EML6: variants seen among roughly 807,000 people sequenced by gnomAD.
The protein encoded by EML6 is echinoderm microtubule-associated protein-like 6.
EML6 carries 154 observed loss-of-function variants against 240.1 expected under a neutral mutation model. The observed-to-expected ratio is 0.64, with a 90% CI of 0.56 to 0.73. The LOEUF (loss-of-function observed/expected upper bound fraction) is 0.73, where lower values mean the gene tolerates loss of function less well. Among genes scored for constraint, EML6 ranks in the 30% least tolerant of loss-of-function variants. The probability of loss-of-function intolerance (pLI) is 0.00; values close to 1 mark genes in which losing one functional copy is unlikely to be tolerated. For missense variants in EML6, 2,964 were observed against 2,474.6 expected, an observed-to-expected ratio of 1.20 and a Z score of -4.20; for synonymous variants, 1,148 against 899.0, an observed-to-expected ratio of 1.28 and a Z score of -4.95.
In EML6 at chr2:54,787,447, C is replaced by T. The variant is rs76859247; in HGVS notation, c.198-25785C>T. 3.8e-4 allele frequency among the ~76,000 whole-genome samples: 58 copies of T among 152,294 alleles called. No individual in the cohort carries two copies. In the East Asian group the frequency reaches 8.9e-3, roughly 23 times the overall value. On this transcript the variant is annotated intron_variant, in intron 2 of 41. Coordinates refer to ENST00000356458, the MANE Select transcript of EML6 (RefSeq NM_001039753.4). ...GTCTGAATCTTGGCTCTGCCACTTA[C>T]CAGCTGTGTGGCCTGGGCAAGTTCC...
In EML6 at chr2:54,950,706, G is replaced by A. The variant is rs1218271843; in HGVS notation, c.4140G>A (p.Leu1380=). 59 of 1,551,646 alleles carry A rather than the reference G, an allele frequency of 3.8e-5. No homozygotes were observed. The East Asian group carries it at 1.4e-3, about 38-fold the overall frequency. ...GYRGFDCRNN[L]HYLNDGADII... is the part of the protein sequence containing the mutation. Reference sequence around the variant, plus strand: ...GAGGTTTCGACTGTCGAAATAACCTGCATTACCTTAATGATGGCGCTGACA... The same window carrying A: ...GAGGTTTCGACTGTCGAAATAACCTACATTACCTTAATGATGGCGCTGACA... Residue 1380 remains leucine, a synonymous_variant, in exon 30 of 42, where the codon CTG becomes CTA. Transcript: ENST00000356458.
chr2:54,725,433 G>T lies in EML6; in HGVS notation c.197+175G>T, dbSNP rs1023465854. Among the ~76,000 whole-genome samples, 11 of 152,196 alleles carry T rather than the reference G, an allele frequency of 7.2e-5. No individual in the cohort carries two copies. Among genetic ancestry groups the T allele is most frequent in the African/African-American group, 2.2e-4 (9 of 41,442 alleles). On this transcript the variant is annotated intron_variant, in intron 2 of 41. Transcript: ENST00000356458. The surrounding 1 kb of genome is among the most constrained non-coding windows in gnomAD (Gnocchi z 4.3). ...AGGGCCAGGGCAGAAACAGTGTGGG[G>T]AGTGTAGGTGAGGAGGGAGAGATGT...
Position 54,866,892 on chromosome 2 carries a change from G to T in EML6, c.2051+8G>T, listed in dbSNP as rs1460546079. 1 of 1,510,518 alleles carries T rather than the reference G, an allele frequency of 6.6e-7. No individual in the cohort carries two copies. The highest frequency in any genetic ancestry group is 9.0e-7 in the Non-Finnish European group (1 of 1,110,072). The allele number at this position is 1,510,518 out of a possible 1,614,324, so 93.6% of individuals were successfully genotyped here. A position where few individuals can be genotyped will look rare whatever the true frequency, so the allele number is the denominator to read the frequency against. ...ACTCCAGTTCATACACGGGTGGGTG[G>T]CCTGTCATGGGCGCCCGTATGTGTT... On this transcript the variant is annotated splice_region_variant and intron_variant, in intron 14 of 41. Transcript: ENST00000356458.
intron 26 of EML6, among the ~76,000 whole-genome samples, chr2:54,919,082 G>C (rs1674081739): frequency 6.6e-6 from 1 of 152,082 alleles, no homozygotes; most frequent in Non-Finnish European, 1.5e-5. Context: ...TATTATTTCT[G>C]TGGTCACGTT....
chr2:54,894,992 C>T lies in EML6; in HGVS notation c.2820C>T (p.Ala940=). 2.6e-6 allele frequency: 4 copies of T among 1,551,386 alleles called. No individual in the cohort carries two copies. The South Asian group carries it at 3.6e-5, about 14-fold the overall frequency. ...DMFERCLKTY[A]IKRSALSTSS... ...TTGAAAGATGTTTGAAGACTTATGC[C>T]ATTAAAAGATCAGCATTGTCGACTA... The change falls in exon 20 of 42, where the codon GCC becomes GCT. Residue 940 remains alanine (A), a synonymous_variant. Coordinates refer to ENST00000356458, the MANE Select transcript of EML6 (RefSeq NM_001039753.4).
chr2:54,843,964 T>TGGTGTGTGTGTG (rs1553394554), intron 7 of EML6, 83 bp from the exon 8 acceptor site: 1 of 599,728 alleles, frequency 1.7e-6, no homozygotes, highest in Admixed American at 2.4e-5. Context: ...CTTTAGGGTT[T>TGGTGTGTGTGTG]TGTGTGTGTG....
chr2:54,740,087 A>G (rs1683564289), intron 2 of EML6, among the ~76,000 whole-genome samples: 1 of 152,120 alleles, frequency 6.6e-6, no homozygotes, highest in African/African-American at 2.4e-5. Flanking sequence ...AGATGAGTTC[A>G]GCTTTGAACA....
chr2:54,738,653 A>G (rs954191753), intron 2 of EML6, among the ~76,000 whole-genome samples: 1 of 152,212 alleles, frequency 6.6e-6, no homozygotes, highest in Non-Finnish European at 1.5e-5. Context: ...TTTAAAAGGA[A>G]TGGTACAGTT....
At chr2:54,758,967 C>T (rs946705201) in intron 2 of EML6, among the ~76,000 whole-genome samples, 3 of 151,650 alleles carry the variant, frequency 2.0e-5, no homozygotes, top group Non-Finnish European at 2.9e-5. Flanking sequence ...GTTTTCATCA[C>T]TTCCACATAT....
intron 2 of EML6, among the ~76,000 whole-genome samples, chr2:54,805,667 A>C (rs1260403724): frequency 6.6e-6 from 1 of 152,134 alleles, no homozygotes; most frequent in East Asian, 1.9e-4. Flanking sequence ...ATCAAAGACC[A>C]GAAGTTTTTA....
At chr2:54,788,287 C>T (rs1313430486) in intron 2 of EML6, among the ~76,000 whole-genome samples, 2 of 152,326 alleles carry the variant, frequency 1.3e-5, no homozygotes, top group African/African-American at 2.4e-5. Flanking sequence ...CTGTAAGTAA[C>T]ACCGGCTTCT....
At position 54,774,946 on chromosome 2, in the gene EML6, T is replaced by C. The variant is rs1288074271; in HGVS notation, c.198-38286T>C. 6.6e-6 allele frequency among the ~76,000 whole-genome samples: 1 copy of C among 152,212 alleles called. No individual in the cohort carries two copies. Among genetic ancestry groups the C allele is most frequent in the African/African-American group, 2.4e-5 (1 of 41,440 alleles). On this transcript the variant is annotated intron_variant, in intron 2 of 41. Transcript: ENST00000356458. This position sits in a 1 kb window ranked among gnomAD's most constrained non-coding sequence, Gnocchi z 4.1. ...TAAAATTCTGTATTGTTGACATTCA[T>C]TACTTTTGTTAACAAATGTGTCACA...
chr2:54,824,574 C>G (rs2104139276), intron 5 of EML6, among the ~76,000 whole-genome samples: 1 of 152,238 alleles, frequency 6.6e-6, no homozygotes, highest in Non-Finnish European at 1.5e-5. Flanking sequence ...ATTTGTATAG[C>G]TAGGGTGAAA....
rs575621987 is a variant in EML6, at chr2:54,961,184, G to GTTTTTTT, written c.4968+863_4968+869dup. On this transcript the variant is annotated intron_variant, in intron 35 of 41. Coordinates refer to ENST00000356458, the MANE Select transcript of EML6 (RefSeq NM_001039753.4). ...GGAGCCTGGAAGTTATCAGGAAGTA[G>GTTTTTTT]TTTTTTTTTTTTTTTTTTTGAGACG... Among the ~76,000 whole-genome samples the GTTTTTTT allele has an allele frequency of 3.5e-3, 195 of 55,316 alleles. 22 individuals are homozygous for GTTTTTTT. Among genetic ancestry groups the GTTTTTTT allele is most frequent in the African/African-American group, 0.015 (180 of 12,358 alleles). The allele number at this position is 55,316 out of a possible 152,430, so 36.3% of individuals were successfully genotyped here.
intron 7 of EML6, among the ~76,000 whole-genome samples, chr2:54,840,220 G>C (rs1669369900): frequency 6.6e-6 from 1 of 152,218 alleles, no homozygotes; most frequent in Admixed American, 6.5e-5. Context: ...TGGAGGCCTT[G>C]GGAGAACTGG....
rs551615758 is a variant in EML6, at chr2:54,950,535, G to C, written c.4084-115G>C. Reference sequence around the variant, plus strand: ...ATGTTTTCAGTGAGTGTGTGTTGGCGTCACCAGCCATACCGTTCCTGGGAC... The same window carrying C: ...ATGTTTTCAGTGAGTGTGTGTTGGCCTCACCAGCCATACCGTTCCTGGGAC... On this transcript the variant is annotated intron_variant, in intron 29 of 41. Coordinates refer to ENST00000356458, the MANE Select transcript of EML6 (RefSeq NM_001039753.4). 6.8e-6 allele frequency: 8 copies of C among 1,175,830 alleles called. No individual in the cohort carries two copies. The East Asian group carries it at 1.3e-4, about 20-fold the overall frequency. The allele number at this position is 1,175,830 out of a possible 1,614,324, so 72.8% of individuals were successfully genotyped here. A position where few individuals can be genotyped will look rare whatever the true frequency, so the allele number is the denominator to read the frequency against.
intron 12 of EML6, among the ~76,000 whole-genome samples, chr2:54,860,162 G>A (rs537635321): frequency 6.6e-6 from 1 of 152,304 alleles, no homozygotes; most frequent in African/African-American, 2.4e-5. Context: ...ATCAGGACAG[G>A]AATCCCCACC....
At chr2:54,833,563 C>T (rs1177280487) in intron 7 of EML6, among the ~76,000 whole-genome samples, 1 of 152,198 alleles carries the variant, frequency 6.6e-6, no homozygotes, top group African/African-American at 2.4e-5. Flanking sequence ...AGATGGGTCA[C>T]ATTCACATCA....
At chr2:54,962,137 C>G (rs543827364) in intron 35 of EML6, among the ~76,000 whole-genome samples, 1 of 148,574 alleles carries the variant, frequency 6.7e-6, no homozygotes, top group Non-Finnish European at 1.5e-5. Context: ...GGCTGGAGTG[C>G]AGTGGTACCA....
Sources: allele counts gnomAD v4.1 joint callset (sites outside exome capture counted in the v4.1 genomes callset), GRCh38; gene constraint gnomAD v4.1.1; non-coding constraint Gnocchi (gnomAD v3.1); transcripts MANE v1.5; gene names NCBI Gene and HGNC (gene_info 2026-07-23, HGNC 2026-07-21).